LHFPL6: variants seen among roughly 807,000 people sequenced by gnomAD.
The protein encoded by LHFPL6 is LHFPL tetraspan subfamily member 6, also known as LHFPL tetraspan subfamily member 6 protein.
A neutral mutation model predicts 20.6 loss-of-function variants in LHFPL6; 9 were observed. The ratio of observed to expected loss-of-function variants is 0.44; its 90% CI spans 0.26 to 0.76. The LOEUF is 0.76. Among genes scored for constraint, LHFPL6 ranks in the 30% least tolerant of loss-of-function variants. The pLI, the probability that LHFPL6 is intolerant of heterozygous loss-of-function variation, is 0.20. For missense variants in LHFPL6, 218 were observed against 253.5 expected, an observed-to-expected ratio of 0.86 and a Z score of 0.95; for synonymous variants, 105 against 98.7, an observed-to-expected ratio of 1.06 and a Z score of -0.38.
chr13:39,412,517 C>A (rs1156596969), intron 2 of LHFPL6, among the ~76,000 whole-genome samples: 1 of 152,192 alleles, frequency 6.6e-6, no homozygotes, highest in Admixed American at 6.5e-5. Context: ...TGGGAACTGT[C>A]CTCAGAGCTT....
At chr13:39,579,585 T>C (rs1235514491) in intron 2 of LHFPL6, among the ~76,000 whole-genome samples, 1 of 152,202 alleles carries the variant, frequency 6.6e-6, no homozygotes, top group Non-Finnish European at 1.5e-5. Context: ...TTTTTTTATC[T>C]TTTTCTAATA....
intron 2 of LHFPL6, among the ~76,000 whole-genome samples, chr13:39,594,572 A>C (rs1372823245): frequency 6.6e-6 from 1 of 152,182 alleles, no homozygotes; most frequent in Non-Finnish European, 1.5e-5. Context: ...TTCCTCAGGG[A>C]TCTAGAACTA....
chr13:39,575,300 A>C (rs116157761), intron 2 of LHFPL6, among the ~76,000 whole-genome samples: 3 of 152,188 alleles, frequency 2.0e-5, no homozygotes, highest in African/African-American at 7.2e-5. Flanking sequence ...CAGGACAATC[A>C]TTTCTGAAAC....
rs149270575 is a variant in LHFPL6, at chr13:39,379,041, T to C, written c.386-515A>G. Among the ~76,000 whole-genome samples the C allele has an allele frequency of 4.6e-5, 7 of 152,134 alleles. No homozygotes were observed. The East Asian group carries it at 1.2e-3, about 25-fold the overall frequency. ...GCACATTCATCAAACCTCTGAACGG[T>C]ACTGCCCATTATTAGGCGATGTGGA... On this transcript the variant is annotated intron_variant, in intron 2 of 3. Coordinates refer to ENST00000379589, the MANE Select transcript of LHFPL6 (RefSeq NM_005780.3).
intron 2 of LHFPL6, among the ~76,000 whole-genome samples, chr13:39,422,633 G>A (rs1403717276): frequency 2.0e-5 from 3 of 149,380 alleles, no homozygotes; most frequent in South Asian, 2.1e-4. Flanking sequence ...AACACAATGC[G>A]CAACAGCTAC....
intron 2 of LHFPL6, among the ~76,000 whole-genome samples, chr13:39,474,436 T>C (rs992868940): frequency 1.3e-5 from 2 of 152,208 alleles, no homozygotes; most frequent in Non-Finnish European, 2.9e-5. Flanking sequence ...AACAAGTTAC[T>C]TTTATTCATA....
chr13:39,376,115 T>C (rs1870288842), intron 3 of LHFPL6, among the ~76,000 whole-genome samples: 2 of 152,056 alleles, frequency 1.3e-5, no homozygotes, highest in South Asian at 2.1e-4. Flanking sequence ...GTAATGAAAA[T>C]TGCAATAACA....
chr13:39,570,812 G>A (rs7322336), intron 2 of LHFPL6, among the ~76,000 whole-genome samples: 51,753 of 152,072 alleles, frequency 0.34, 9,960 homozygotes, highest in Non-Finnish European at 0.43. Flanking sequence ...CATGCCACGT[G>A]TGTGTTTTTC....
intron 2 of LHFPL6, among the ~76,000 whole-genome samples, chr13:39,496,156 G>A (rs1468461248): frequency 6.6e-6 from 1 of 152,134 alleles, no homozygotes; most frequent in Non-Finnish European, 1.5e-5. Flanking sequence ...ACCATACCCC[G>A]AGTAACTTAT....
At chr13:39,448,798 C>T (rs930138921) in intron 2 of LHFPL6, among the ~76,000 whole-genome samples, 3 of 152,164 alleles carry the variant, frequency 2.0e-5, no homozygotes, top group East Asian at 1.9e-4. Context: ...GAACCATTTA[C>T]TGGAAGACTA....
At chr13:39,362,883 A>G (rs1869913699) in intron 3 of LHFPL6, among the ~76,000 whole-genome samples, 1 of 152,322 alleles carries the variant, frequency 6.6e-6, no homozygotes, top group East Asian at 1.9e-4. Flanking sequence ...AGTGTGCAGG[A>G]CCTGTGTCCA....
chr13:39,370,384 C>T (rs1870135140), intron 3 of LHFPL6, among the ~76,000 whole-genome samples: 2 of 152,168 alleles, frequency 1.3e-5, no homozygotes, highest in African/African-American at 4.8e-5. Context: ...AAATGACTTC[C>T]AGTGACTTGG....
At chr13:39,514,983 A>T (rs979464063) in intron 2 of LHFPL6, among the ~76,000 whole-genome samples, 22 of 152,216 alleles carry the variant, frequency 1.4e-4, no homozygotes, top group African/African-American at 4.8e-4. Flanking sequence ...GAATAGATCA[A>T]TTCAATAAAT....
At chr13:39,561,904 G>A (rs1593363988) in intron 2 of LHFPL6, among the ~76,000 whole-genome samples, 1 of 152,138 alleles carries the variant, frequency 6.6e-6, no homozygotes, top group East Asian at 1.9e-4. Flanking sequence ...TTATCTCTAT[G>A]TAATAGATGA....
intron 2 of LHFPL6, among the ~76,000 whole-genome samples, chr13:39,553,535 G>T (rs1391964860): frequency 1.3e-5 from 2 of 152,186 alleles, no homozygotes; most frequent in Non-Finnish European, 2.9e-5. Flanking sequence ...AACATAGTGA[G>T]ACTTCATCTC....
chr13:39,450,107 T>G (rs747031578), intron 2 of LHFPL6, among the ~76,000 whole-genome samples: 1 of 152,218 alleles, frequency 6.6e-6, no homozygotes, highest in Non-Finnish European at 1.5e-5. Context: ...CCTAAAAATA[T>G]TACAAATTTG....
rs138007865 is a variant in LHFPL6, at chr13:39,418,742, T to C, written c.386-40216A>G. ...ATTCAGTCACAGAAACCTCACAATA[T>C]TGTCTTATCTTTGACAAAATTAAAC... On this transcript the variant is annotated intron_variant, in intron 2 of 3. Coordinates refer to ENST00000379589, the MANE Select transcript of LHFPL6 (RefSeq NM_005780.3). Among the ~76,000 whole-genome samples, 27 of 152,298 alleles carry C rather than the reference T, an allele frequency of 1.8e-4. No individual in the cohort carries two copies. The East Asian group carries it at 4.4e-3, about 25-fold the overall frequency.
chr13:39,422,446 C>G (rs944631511), intron 2 of LHFPL6, among the ~76,000 whole-genome samples: 2 of 151,940 alleles, frequency 1.3e-5, no homozygotes, highest in African/African-American at 2.4e-5. Context: ...ATTAGCCAGG[C>G]ATGGTGGCAC....
intron 2 of LHFPL6, among the ~76,000 whole-genome samples, chr13:39,481,763 T>G (rs1010092579): frequency 6.6e-6 from 1 of 152,192 alleles, no homozygotes; most frequent in Admixed American, 6.5e-5. Flanking sequence ...GGTAATGAGT[T>G]GACATTTTAT....
Sources: gnomAD v4.1 joint callset for allele counts (sites outside exome capture counted in the v4.1 genomes callset) on GRCh38, gnomAD v4.1.1 for gene constraint, MANE v1.5 for transcripts, NCBI Gene and HGNC (gene_info 2026-07-23, HGNC 2026-07-21) for gene names.